The following CERKL variants were observed in gnomAD, a reference collection of about 807,000 sequenced individuals.
CERKL encodes the protein CERK like autophagy regulator.
CERKL carries 61 observed loss-of-function variants against 63.4 expected under a neutral mutation model. That is an observed-to-expected ratio of 0.96 (90% CI 0.78 to 1.19). The LOEUF is 1.19. Ranked by LOEUF, CERKL falls within the 50% of genes most tolerant of loss-of-function variation. The pLI, the probability that CERKL is intolerant of heterozygous loss-of-function variation, is 0.00. For synonymous variants in CERKL, 250 were observed against 230.5 expected, an observed-to-expected ratio of 1.08 and a Z score of -0.77; for missense variants, 675 against 655.5, an observed-to-expected ratio of 1.03 and a Z score of -0.33.
chr2:181,542,271 ATGG>A (rs1687541807), intron 11 of CERKL, among the ~76,000 whole-genome samples: 1 of 152,200 alleles, frequency 6.6e-6, no homozygotes, highest in South Asian at 2.1e-4. Context: ...CACTCCGCAC[ATGG>A]TGGTTTCAAT....
At chr2:181,587,103 C>G (rs1684800991) in intron 2 of CERKL, among the ~76,000 whole-genome samples, 1 of 152,106 alleles carries the variant, frequency 6.6e-6, no homozygotes. Flanking sequence ...CAGTAGAGGT[C>G]TGAGTTAGAG....
intron 1 of CERKL, among the ~76,000 whole-genome samples, chr2:181,653,408 G>A (rs1036254940): frequency 6.6e-6 from 1 of 152,126 alleles, no homozygotes; most frequent in African/African-American, 2.4e-5. Context: ...CCACTACCAG[G>A]TATGCATCCA....
intron 1 of CERKL, among the ~76,000 whole-genome samples, chr2:181,626,902 G>T (rs1271078978): frequency 6.6e-6 from 1 of 152,234 alleles, no homozygotes; most frequent in Non-Finnish European, 1.5e-5. Context: ...CTGGCTGGAA[G>T]CCAGTTTATC....
intron 5 of CERKL, among the ~76,000 whole-genome samples, chr2:181,552,286 G>T (rs1275470003): frequency 1.3e-5 from 2 of 152,116 alleles, no homozygotes; most frequent in African/African-American, 4.8e-5. Context: ...ATCTCATCTT[G>T]AATTTTAATC....
At chr2:181,623,644 A>G (rs1686554287) in intron 1 of CERKL, among the ~76,000 whole-genome samples, 2 of 152,200 alleles carry the variant, frequency 1.3e-5, no homozygotes, top group South Asian at 2.1e-4. Context: ...TACCCAATAA[A>G]TAATCGTTGA....
At chr2:181,557,193 C>T (rs1688250377) in intron 5 of CERKL, among the ~76,000 whole-genome samples, 1 of 152,102 alleles carries the variant, frequency 6.6e-6, no homozygotes, top group Admixed American at 6.5e-5. Context: ...TGTAGGTTGC[C>T]TGTTCACTCT....
chr2:181,654,691 C>CA (rs1343594372), intron 1 of CERKL, among the ~76,000 whole-genome samples: 5 of 152,190 alleles, frequency 3.3e-5, no homozygotes, highest in Admixed American at 1.3e-4. Flanking sequence ...TTTTACCACT[C>CA]ACATCTAAGC....
At chr2:181,545,606 G>A (rs551268769) in intron 10 of CERKL, among the ~76,000 whole-genome samples, 68 of 152,172 alleles carry the variant, frequency 4.5e-4, no homozygotes, top group African/African-American at 1.5e-3. Context: ...CTCATCATTC[G>A]CTCATTTCAT....
chr2:181,641,112 G>A (rs572759498), intron 1 of CERKL, among the ~76,000 whole-genome samples: 1 of 152,150 alleles, frequency 6.6e-6, no homozygotes, highest in Non-Finnish European at 1.5e-5. Context: ...TATTCTTGTA[G>A]TAAGAAACAG....
chr2:181,581,123 C>T lies in CERKL; in HGVS notation c.482-7239G>A, dbSNP rs527924019. On this transcript the variant is annotated intron_variant, in intron 2 of 12. Transcript: ENST00000410087. ...CAATAATCAAAATTAATCATCTTTG[C>T]CAGCGTAGCATCTTCATTTTTTTCA... is the stretch of plus-strand genomic sequence containing the variant. 4.6e-5 allele frequency among the ~76,000 whole-genome samples: 7 copies of T among 152,280 alleles called. No individual in the cohort carries two copies. The South Asian group carries it at 1.5e-3, about 32-fold the overall frequency.
At chr2:181,541,050 C>G (rs1687482806) in intron 11 of CERKL, among the ~76,000 whole-genome samples, 1 of 152,202 alleles carries the variant, frequency 6.6e-6, no homozygotes, top group Non-Finnish European at 1.5e-5. Context: ...CATCATGCCC[C>G]TTGGCCCTCA....
In CERKL at chr2:181,553,042, C is replaced by T. The variant is rs1349323943; in HGVS notation, c.821-3334G>A. Among the ~76,000 whole-genome samples the T allele has an allele frequency of 7.9e-5, 12 of 152,242 alleles. No homozygotes were observed. In the South Asian group the frequency reaches 2.1e-3, roughly 26 times the overall value. ...TACCTGGGAGCTTGTTAAAAACGTA[C>T]ATTCCTGGGTTCTACCTCCAACTCA... is the stretch of plus-strand genomic sequence containing the variant. On this transcript the variant is annotated intron_variant, in intron 5 of 12. Coordinates refer to ENST00000410087, the MANE Select transcript of CERKL (RefSeq NM_201548.5).
intron 1 of CERKL, among the ~76,000 whole-genome samples, chr2:181,606,021 G>T (rs1685661666): frequency 6.6e-6 from 1 of 151,104 alleles, no homozygotes; most frequent in Non-Finnish European, 1.5e-5. Flanking sequence ...AGAAAGCATG[G>T]AAGGAATGAA....
At chr2:181,612,639 C>T (rs769849634) in intron 1 of CERKL, among the ~76,000 whole-genome samples, 7 of 151,990 alleles carry the variant, frequency 4.6e-5, no homozygotes, top group Admixed American at 1.3e-4. Context: ...TAATAATGGA[C>T]TTTTAAAAAA....
intron 1 of CERKL, among the ~76,000 whole-genome samples, chr2:181,655,886 C>T (rs1283711114): frequency 2.0e-5 from 3 of 152,156 alleles, no homozygotes; most frequent in Admixed American, 6.5e-5. Flanking sequence ...CACATCTAAG[C>T]TAATTCAACA....
chr2:181,568,775 G>A (rs1329479306), intron 3 of CERKL, among the ~76,000 whole-genome samples: 2 of 150,668 alleles, frequency 1.3e-5, no homozygotes, highest in South Asian at 2.1e-4. Context: ...ATGCTGGTGC[G>A]CTGCACCCAC....
intron 12 of CERKL, 43 bp from the exon 13 acceptor site, chr2:181,538,287 T>G (rs1249175476): frequency 8.6e-7 from 1 of 1,158,816 alleles, no homozygotes; most frequent in South Asian, 1.2e-5. Context: ...TTTTGTTGTT[T>G]TTCACATACA....
chr2:181,546,937 T>A (rs1687749914), intron 10 of CERKL, among the ~76,000 whole-genome samples: 2 of 152,218 alleles, frequency 1.3e-5, no homozygotes, highest in South Asian at 4.1e-4. Context: ...CCATGTGTTG[T>A]GGGAGAGACC....
At position 181,537,710 on chromosome 2, in the gene CERKL, GTTT is replaced by G. The variant is rs74486071; in HGVS notation, c.*471_*473del. 2.3e-6 allele frequency: 1 copy of G among 426,518 alleles called. No individual in the cohort carries two copies. Among genetic ancestry groups the G allele is most frequent in the African/African-American group, 2.1e-5 (1 of 48,510 alleles). The allele number at this position is 426,518 out of a possible 1,614,324, so 26.4% of individuals were successfully genotyped here. Reference sequence around the variant, plus strand: ...ATTGATGTATTATGATGGTTGCAAAGTTTTTTTGTGTGTCCAATAAACACATTG... The same window carrying G: ...ATTGATGTATTATGATGGTTGCAAAGTTTTGTGTGTCCAATAAACACATTG... On this transcript the variant is annotated 3_prime_UTR_variant, in exon 13 of 13. Transcript: ENST00000410087.
Sources: allele counts gnomAD v4.1 joint callset (sites outside exome capture counted in the v4.1 genomes callset), GRCh38; gene constraint gnomAD v4.1.1; transcripts MANE v1.5; gene names NCBI Gene and HGNC (gene_info 2026-07-23, HGNC 2026-07-21).